Variants in KCNQ5 observed in about 807,000 individuals in gnomAD.
The protein encoded by KCNQ5 is potassium voltage-gated channel subfamily KQT member 5.
KCNQ5 carries 30 observed loss-of-function variants against 98.2 expected under a neutral mutation model. The observed-to-expected ratio is 0.31, with a 90% CI of 0.23 to 0.41. The LOEUF (loss-of-function observed/expected upper bound fraction) is 0.41. Ranked by LOEUF, KCNQ5 falls within the 10% of genes least tolerant of loss-of-function variation. KCNQ5 has a pLI of 1.00. For synonymous variants in KCNQ5, 458 were observed against 449.4 expected, an observed-to-expected ratio of 1.02 and a Z score of -0.24; for missense variants, 835 against 1,182.5, an observed-to-expected ratio of 0.71 and a Z score of 4.31.
At chr6:72,681,896 A>G (rs569583024) in intron 1 of KCNQ5, among the ~76,000 whole-genome samples, 68 of 152,252 alleles carry the variant, frequency 4.5e-4, no homozygotes, top group African/African-American at 1.5e-3. Context: ...CCTATCCTAG[A>G]TTTGCTCCTG....
At chr6:72,980,436 C>G (rs1011128024) in intron 1 of KCNQ5, among the ~76,000 whole-genome samples, 8 of 152,098 alleles carry the variant, frequency 5.3e-5, no homozygotes, top group Admixed American at 2.6e-4. Context: ...CTCTTTGTAG[C>G]AATTTTGAAT....
At chr6:72,753,804 G>C (rs1346577010) in intron 1 of KCNQ5, among the ~76,000 whole-genome samples, 1 of 152,046 alleles carries the variant, frequency 6.6e-6, no homozygotes, top group Non-Finnish European at 1.5e-5. Context: ...TGAATTGTAA[G>C]AGCTCTTTAT....
intron 10 of KCNQ5, among the ~76,000 whole-genome samples, chr6:73,147,048 T>C (rs1776953583): frequency 6.6e-6 from 1 of 152,194 alleles, no homozygotes; most frequent in Admixed American, 6.5e-5. Context: ...ACACAGTGCA[T>C]GGTTTTGGAG....
chr6:73,137,803 G>A (rs1179891485), intron 10 of KCNQ5, among the ~76,000 whole-genome samples: 2 of 152,050 alleles, frequency 1.3e-5, no homozygotes, highest in African/African-American at 4.8e-5. Flanking sequence ...GAATTTCACG[G>A]TCCTCCTACA....
At chr6:72,998,409 CT>C (rs1769401920) in intron 1 of KCNQ5, among the ~76,000 whole-genome samples, 1 of 152,162 alleles carries the variant, frequency 6.6e-6, no homozygotes, top group African/African-American at 2.4e-5. Context: ...CTGTTAGCAT[CT>C]TTTATTTCAA....
intron 1 of KCNQ5, among the ~76,000 whole-genome samples, chr6:72,869,797 A>G (rs1027027274): frequency 1.3e-5 from 2 of 152,212 alleles, no homozygotes; most frequent in African/African-American, 4.8e-5. Context: ...AGGGGGAGCG[A>G]GGCCCAGTGT....
At chr6:72,729,341 G>A (rs1055901244) in intron 1 of KCNQ5, among the ~76,000 whole-genome samples, 5 of 152,206 alleles carry the variant, frequency 3.3e-5, no homozygotes, top group African/African-American at 9.6e-5. Flanking sequence ...GGGCTGGAGT[G>A]CAGTGGCACA....
intron 1 of KCNQ5, among the ~76,000 whole-genome samples, chr6:72,997,782 CAAAAAAAAAA>C (rs70994154): frequency 4.0e-4 from 25 of 62,058 alleles, no homozygotes; most frequent in African/African-American, 1.1e-3. Flanking sequence ...GACTCTGTCT[CAAAAAAAAAA>C]AAAAAAAAAA....
chr6:73,011,721 C>T (rs1770068994), intron 2 of KCNQ5, among the ~76,000 whole-genome samples: 2 of 151,848 alleles, frequency 1.3e-5, no homozygotes, highest in South Asian at 4.1e-4. Context: ...AAATAACATA[C>T]CTGAGAAGGG....
chr6:73,019,386 G>A (rs1770487460), intron 2 of KCNQ5, among the ~76,000 whole-genome samples: 2 of 152,044 alleles, frequency 1.3e-5, no homozygotes, highest in African/African-American at 4.8e-5. Flanking sequence ...TGGCATTGTG[G>A]CAGGAAAGCC....
chr6:73,012,864 C>A (rs1192550180), intron 2 of KCNQ5, among the ~76,000 whole-genome samples: 4 of 150,174 alleles, frequency 2.7e-5, no homozygotes, highest in Admixed American at 2.0e-4. Context: ...ATTTAAAACT[C>A]AAAAAAAAAG....
At chr6:72,766,528 G>A (rs1357799002) in intron 1 of KCNQ5, among the ~76,000 whole-genome samples, 1 of 152,006 alleles carries the variant, frequency 6.6e-6, no homozygotes, top group Non-Finnish European at 1.5e-5. Flanking sequence ...ACTAAACCAG[G>A]CAAAAGATGA....
At chr6:72,800,568 A>G (rs1164063530) in intron 1 of KCNQ5, among the ~76,000 whole-genome samples, 2 of 152,098 alleles carry the variant, frequency 1.3e-5, no homozygotes, top group African/African-American at 2.4e-5. Flanking sequence ...GATCCTTTCA[A>G]AAAACCAGCT....
At chr6:72,654,006 C>T (rs1213397731) in intron 1 of KCNQ5, among the ~76,000 whole-genome samples, 4 of 151,998 alleles carry the variant, frequency 2.6e-5, no homozygotes, top group Non-Finnish European at 5.9e-5. Flanking sequence ...TAGTGTCTAC[C>T]ATAATGTAAG....
intron 1 of KCNQ5, among the ~76,000 whole-genome samples, chr6:72,765,999 A>C (rs1772549370): frequency 6.6e-6 from 1 of 152,094 alleles, no homozygotes; most frequent in Non-Finnish European, 1.5e-5. Flanking sequence ...TCAGGCATGC[A>C]CCAAGGGTCA....
Position 72,628,553 on chromosome 6 carries a change from T to C in KCNQ5, c.398+5966T>C, listed in dbSNP as rs191020335. 2.3e-4 allele frequency among the ~76,000 whole-genome samples: 35 copies of C among 152,308 alleles called. No individual in the cohort carries two copies. The East Asian group carries it at 6.7e-3, about 29-fold the overall frequency. On this transcript the variant is annotated intron_variant, in intron 1 of 13. Coordinates refer to ENST00000370398, the MANE Select transcript of KCNQ5 (RefSeq NM_019842.4). ...TGCCTCTTAACTAGTTGCTTTAACT[T>C]AATTCCTAAATCCCCAAGGTCTCTG...
At chr6:72,840,925 G>A (rs1776760708) in intron 1 of KCNQ5, among the ~76,000 whole-genome samples, 1 of 152,148 alleles carries the variant, frequency 6.6e-6, no homozygotes, top group African/African-American at 2.4e-5. Flanking sequence ...CTACGGTTAT[G>A]TTTTACATTT....
At chr6:72,746,336 T>C (rs1453932055) in intron 1 of KCNQ5, among the ~76,000 whole-genome samples, 1 of 152,188 alleles carries the variant, frequency 6.6e-6, no homozygotes, top group Non-Finnish European at 1.5e-5. Context: ...ATTGTTGACC[T>C]GCCCCAAGAC....
chr6:72,945,049 C>G (rs1766472090), intron 1 of KCNQ5, among the ~76,000 whole-genome samples: 1 of 152,134 alleles, frequency 6.6e-6, no homozygotes, highest in Non-Finnish European at 1.5e-5. Flanking sequence ...ATCGATATCT[C>G]ATGTGAAATA....
Sources: gnomAD v4.1 joint callset for allele counts (sites outside exome capture counted in the v4.1 genomes callset) on GRCh38, gnomAD v4.1.1 for gene constraint, MANE v1.5 for transcripts, NCBI Gene and HGNC (gene_info 2026-07-23, HGNC 2026-07-21) for gene names.